GUCY1A2: variants seen among roughly 807,000 people sequenced by gnomAD.
GUCY1A2 encodes the protein guanylate cyclase soluble subunit alpha-2.
In GUCY1A2, 27 loss-of-function variants were observed where a neutral mutation model predicts 63.5. The ratio of observed to expected loss-of-function variants is 0.43; its 90% CI spans 0.31 to 0.59. GUCY1A2 has a LOEUF of 0.59. GUCY1A2 is among the 20% of genes least tolerant of loss of function. GUCY1A2 has a pLI of 0.11. For missense variants in GUCY1A2, 768 were observed against 913.3 expected, an observed-to-expected ratio of 0.84 and a Z score of 2.05; for synonymous variants, 364 against 343.5, an observed-to-expected ratio of 1.06 and a Z score of -0.66.
At chr11:106,839,809 T>C (rs929395667) in intron 4 of GUCY1A2, among the ~76,000 whole-genome samples, 1 of 129,406 alleles carries the variant, frequency 7.7e-6, no homozygotes, top group African/African-American at 3.0e-5. Context: ...AATTGAACAA[T>C]GAGGACATTT....
chr11:106,855,003 G>A (rs1859409158), intron 4 of GUCY1A2, among the ~76,000 whole-genome samples: 1 of 152,144 alleles, frequency 6.6e-6, no homozygotes, highest in Non-Finnish European at 1.5e-5. Flanking sequence ...CTTTCTAGGT[G>A]AATACAGGGG....
chr11:106,900,950 G>C (rs1228044641), intron 4 of GUCY1A2, among the ~76,000 whole-genome samples: 1 of 152,142 alleles, frequency 6.6e-6, no homozygotes, highest in African/African-American at 2.4e-5. Context: ...TGAAGGTTGA[G>C]GTAGTTCTGA....
At chr11:106,809,908 CAAGTTT>C in intron 5 of GUCY1A2, 79 bp downstream of exon 5, 1 of 853,848 alleles carries the variant, frequency 1.2e-6, no homozygotes, top group Non-Finnish European at 1.8e-6. Context: ...TATTTAGTAT[CAAGTTT>C]AAGTAAAAAA....
chr11:107,004,341 A>G (rs542993052), intron 1 of GUCY1A2, among the ~76,000 whole-genome samples: 1 of 152,336 alleles, frequency 6.6e-6, no homozygotes, highest in East Asian at 1.9e-4. Context: ...AAATTTTCCT[A>G]TGAGATTTTG....
At chr11:106,999,899 T>C (rs1292672545) in intron 1 of GUCY1A2, among the ~76,000 whole-genome samples, 1 of 152,198 alleles carries the variant, frequency 6.6e-6, no homozygotes, top group Non-Finnish European at 1.5e-5. Context: ...AGATTGATGG[T>C]AGAAAATTAC....
chr11:106,857,357 C>G (rs772596125), intron 4 of GUCY1A2, among the ~76,000 whole-genome samples: 19 of 152,064 alleles, frequency 1.2e-4, no homozygotes, highest in Non-Finnish European at 2.4e-4. Context: ...AGGGCTCCAC[C>G]CTCATGACCT....
intron 6 of GUCY1A2, among the ~76,000 whole-genome samples, chr11:106,715,721 T>TG (rs1326610708): frequency 1.3e-5 from 2 of 152,242 alleles, no homozygotes; most frequent in Admixed American, 6.5e-5. Flanking sequence ...AACTGCTTGC[T>TG]GCATTCAAGC....
intron 1 of GUCY1A2, among the ~76,000 whole-genome samples, chr11:106,989,982 C>T (rs1212422802): frequency 1.3e-5 from 2 of 152,144 alleles, no homozygotes; most frequent in Non-Finnish European, 2.9e-5. Flanking sequence ...TGCTGAGTGG[C>T]CTACTAATTT....
At chr11:106,806,555 A>C (rs1286328064) in intron 5 of GUCY1A2, among the ~76,000 whole-genome samples, 1 of 152,230 alleles carries the variant, frequency 6.6e-6, no homozygotes. Context: ...GATTTACAAA[A>C]TTAGATACTG....
chr11:106,736,607 A>C (rs754504485), intron 6 of GUCY1A2, among the ~76,000 whole-genome samples: 2 of 152,000 alleles, frequency 1.3e-5, no homozygotes, highest in South Asian at 4.2e-4. Context: ...GGATTTGGCT[A>C]TTTTGGGTCT....
intron 1 of GUCY1A2, among the ~76,000 whole-genome samples, chr11:106,995,950 T>A (rs1032961623): frequency 6.6e-6 from 1 of 151,586 alleles, no homozygotes; most frequent in Non-Finnish European, 1.5e-5. Flanking sequence ...TGCCCAGTAC[T>A]TGGGAGTTTC....
At position 106,676,420 on chromosome 11, in the gene GUCY1A2, A is replaced by AT. The variant is rs1173491591; in HGVS notation, c.*11128dup. ...TATTTAATAAAATGGCAATTTGTAA[A>AT]TTCTGGTGAATACTCAAAATTGTAG... On this transcript the variant is annotated 3_prime_UTR_variant, in exon 8 of 8. Coordinates refer to ENST00000526355, the MANE Select transcript of GUCY1A2 (RefSeq NM_000855.3). 5 of 187,016 alleles carry AT rather than the reference A, an allele frequency of 2.7e-5. No individual in the cohort carries two copies. Among genetic ancestry groups the AT allele is most frequent in the African/African-American group, 1.2e-4 (5 of 42,654 alleles). The allele number at this position is 187,016 out of a possible 1,614,324, so 11.6% of individuals were successfully genotyped here. A position where few individuals can be genotyped will look rare whatever the true frequency, so the allele number is the denominator to read the frequency against.
In GUCY1A2 at chr11:106,836,233, C is replaced by A. The variant is rs202088922; in HGVS notation, c.1207-25755G>T. Among the ~76,000 whole-genome samples, 5 of 152,040 alleles carry A rather than the reference C, an allele frequency of 3.3e-5. No homozygotes were observed. In the East Asian group the frequency reaches 7.8e-4, roughly 24 times the overall value. ...TCCCCTGAAACCTAACTACTAATAGCCTACTGCTGACCAGAAGCTGTACCA... is the reference window on the plus strand; with the variant it reads ...TCCCCTGAAACCTAACTACTAATAGACTACTGCTGACCAGAAGCTGTACCA... On this transcript the variant is annotated intron_variant, in intron 4 of 7. Transcript: ENST00000526355.
At chr11:106,738,706 A>G (rs1863633918) in intron 6 of GUCY1A2, among the ~76,000 whole-genome samples, 1 of 152,084 alleles carries the variant, frequency 6.6e-6, no homozygotes, top group Non-Finnish European at 1.5e-5. Context: ...GGTGGTAGAT[A>G]TGTGGCAATA....
chr11:106,816,611 G>T (rs1442168091), intron 4 of GUCY1A2, among the ~76,000 whole-genome samples: 1 of 150,158 alleles, frequency 6.7e-6, no homozygotes, highest in Admixed American at 6.7e-5. Context: ...CATAAGAGAG[G>T]TAATCAATGA....
chr11:106,993,098 T>C (rs545836975), intron 1 of GUCY1A2, among the ~76,000 whole-genome samples: 1 of 152,326 alleles, frequency 6.6e-6, no homozygotes, highest in Non-Finnish European at 1.5e-5. Flanking sequence ...ATGGTGTGAA[T>C]GAGCTTCTCT....
intron 3 of GUCY1A2, among the ~76,000 whole-genome samples, chr11:106,959,981 A>G (rs1324447814): frequency 1.3e-5 from 2 of 152,202 alleles, no homozygotes; most frequent in Non-Finnish European, 2.9e-5. Flanking sequence ...GCAAATCTCC[A>G]TGTTGGAGTC....
In GUCY1A2 at chr11:106,950,593, G is replaced by C. The variant is rs111962974; in HGVS notation, c.488-10415C>G. 6.3e-3 allele frequency among the ~76,000 whole-genome samples: 953 copies of C among 152,228 alleles called. 11 individuals are homozygous for C. The highest frequency in any genetic ancestry group is 0.022 in the African/African-American group (911 of 41,544). ...TCTCTTACCCGCTGGTGAAGAAGGT[G>C]GGGGAGGGGATTACTGTGACGTACA... On this transcript the variant is annotated intron_variant, in intron 3 of 7. Coordinates refer to ENST00000526355, the MANE Select transcript of GUCY1A2 (RefSeq NM_000855.3).
chr11:106,683,340 G>A lies in GUCY1A2; in HGVS notation c.*4209C>T, dbSNP rs778294699. 4.0e-5 allele frequency: 9 copies of A among 223,260 alleles called. No homozygotes were observed. The highest frequency in any genetic ancestry group is 6.3e-5 in the Non-Finnish European group (7 of 111,800). The allele number at this position is 223,260 out of a possible 1,614,324, so 13.8% of individuals were successfully genotyped here. ...GATATTGTCAGCTGAAAGACGCCTG[G>A]TGCTACCCAAAGCCTATTCAGAGTC... On this transcript the variant is annotated 3_prime_UTR_variant, in exon 8 of 8. Coordinates refer to ENST00000526355, the MANE Select transcript of GUCY1A2 (RefSeq NM_000855.3).
Sources: allele counts gnomAD v4.1 joint callset (sites outside exome capture counted in the v4.1 genomes callset), GRCh38; gene constraint gnomAD v4.1.1; transcripts MANE v1.5; gene names NCBI Gene and HGNC (gene_info 2026-07-23, HGNC 2026-07-21).